BMP2K: variants seen among roughly 807,000 people sequenced by gnomAD.
BMP2K encodes the protein BMP2 inducible kinase.
Under a neutral mutation model 116.0 loss-of-function variants are expected in BMP2K, and 74 were observed. The observed-to-expected ratio is 0.64, with a 90% CI of 0.53 to 0.77. The LOEUF is 0.77. Among genes scored for constraint, BMP2K ranks in the 30% least tolerant of loss-of-function variants. The pLI is 0.00. For synonymous variants in BMP2K, 486 were observed against 502.5 expected, an observed-to-expected ratio of 0.97 and a Z score of 0.44; for missense variants, 1,365 against 1,403.6, an observed-to-expected ratio of 0.97 and a Z score of 0.44.
At chr4:78,880,429 G>A (rs116595214) in intron 14 of BMP2K, among the ~76,000 whole-genome samples, 7,395 of 152,150 alleles carry the variant, frequency 0.049, 572 homozygotes, top group African/African-American at 0.17. Flanking sequence ...ATAATTTATA[G>A]GATTATATTT....
intron 1 of BMP2K, among the ~76,000 whole-genome samples, chr4:78,791,751 G>A (rs752882283): frequency 5.5e-4 from 84 of 152,010 alleles, no homozygotes; most frequent in Non-Finnish European, 1.0e-3. Flanking sequence ...TGCCTTTAAG[G>A]TATTCATCCT....
intron 1 of BMP2K, among the ~76,000 whole-genome samples, chr4:78,805,679 A>C (rs559561702): frequency 3.3e-5 from 5 of 152,302 alleles, no homozygotes; most frequent in South Asian, 2.1e-4. Context: ...ATAGAAATAC[A>C]GTTCCTTTAG....
At chr4:78,874,117 G>A (rs1215619473) in intron 13 of BMP2K, among the ~76,000 whole-genome samples, 2 of 151,950 alleles carry the variant, frequency 1.3e-5, no homozygotes, top group African/African-American at 4.8e-5. Flanking sequence ...GGCAGAGATT[G>A]CAGCGAGCTG....
intron 1 of BMP2K, among the ~76,000 whole-genome samples, chr4:78,819,123 C>T (rs150801758): frequency 0.011 from 1,703 of 152,118 alleles, 26 homozygotes; most frequent in African/African-American, 0.039. Context: ...AAAAATGTTC[C>T]GCTAAATTTC....
intron 8 of BMP2K, chr4:78,859,942 A>G (rs575446771): frequency 1.5e-4 from 84 of 557,452 alleles, no homozygotes; most frequent in Non-Finnish European, 2.3e-4. Context: ...ACACAGGGAC[A>G]TCTTTCTGAC....
chr4:78,908,406 T>G (rs966531753), intron 15 of BMP2K, among the ~76,000 whole-genome samples: 7 of 152,230 alleles, frequency 4.6e-5, no homozygotes, highest in Non-Finnish European at 1.0e-4. Context: ...CTCAGCTGTT[T>G]TCTTCCTCCT....
At position 78,911,835 on chromosome 4, in the gene BMP2K, T is replaced by C. The variant is rs1255986298; in HGVS notation, c.3288T>C (p.Asn1096=). ...QGLSDIRADH[N]TVLPGRPRQN... ...TGAGCGACATCCGTGCTGATCACAA[T>C]ACTGTCCTGCCAGGGCGGCCAAGAC... Residue 1096 remains asparagine (N), a synonymous_variant, in exon 16 of 16, where the codon AAT becomes AAC. Coordinates refer to ENST00000502613, the MANE Select transcript of BMP2K (RefSeq NM_198892.2). The C allele has an allele frequency of 8.1e-6, 13 of 1,613,848 alleles. No individual in the cohort carries two copies. Among genetic ancestry groups the C allele is most frequent in the Non-Finnish European group, 1.1e-5 (13 of 1,179,890 alleles).
Position 78,871,905 on chromosome 4 carries a change from C to T in BMP2K, c.1565C>T (p.Ser522Leu), listed in dbSNP as rs760107498. The T allele has an allele frequency of 8.1e-6, 13 of 1,612,710 alleles. No homozygotes were observed. The highest frequency in any genetic ancestry group is 5.5e-5 in the South Asian group (5 of 90,902). ...QMLQQQFLMH[S>L]VYQPQPSASQ... The stretch of plus-strand genomic sequence containing the variant: ...CTTCAACAACAATTTTTAATGCATT[C>T]GGTATATCAACCACAACCTTCTGCA... Residue 522 changes from serine (S) to leucine (L), a missense_variant, in exon 12 of 16, where the codon TCG becomes TTG. Physicochemically the swap from Ser to Leu is moderately radical, Grantham distance 145 (BLOSUM62 -2). Around this residue, in one of 3 missense-constraint regions of BMP2K, gnomAD observed 762 missense variants for 756.7 expected, o/e 1.01. Coordinates refer to ENST00000502613, the MANE Select transcript of BMP2K (RefSeq NM_198892.2).
At chr4:78,846,202 C>G (rs1730990584) in intron 5 of BMP2K, among the ~76,000 whole-genome samples, 1 of 151,544 alleles carries the variant, frequency 6.6e-6, no homozygotes, top group South Asian at 2.1e-4. Flanking sequence ...GGGGTTTTGT[C>G]CTTTGTGGCT....
chr4:78,865,743 A>T (rs1471238042), intron 10 of BMP2K, 23 bp downstream of exon 10: 1 of 1,610,498 alleles, frequency 6.2e-7, no homozygotes, highest in African/African-American at 1.3e-5. Context: ...CGCCAACCTC[A>T]TCCTCTTAAA....
At chr4:78,869,802 A>G (rs1380649442) in intron 10 of BMP2K, among the ~76,000 whole-genome samples, 1 of 152,206 alleles carries the variant, frequency 6.6e-6, no homozygotes, top group African/African-American at 2.4e-5. Context: ...TTACATTTTT[A>G]TAAGTATTTT....
intron 1 of BMP2K, among the ~76,000 whole-genome samples, chr4:78,794,313 C>A (rs898683806): frequency 6.6e-6 from 1 of 152,050 alleles, no homozygotes; most frequent in Non-Finnish European, 1.5e-5. Context: ...TTTTAACAGA[C>A]CGTCATTAGG....
chr4:78,868,698 C>T (rs1732181954), intron 10 of BMP2K, among the ~76,000 whole-genome samples: 1 of 152,040 alleles, frequency 6.6e-6, no homozygotes, highest in Non-Finnish European at 1.5e-5. Flanking sequence ...GAGAAATTGG[C>T]CAAAACAAAG....
intron 3 of BMP2K, among the ~76,000 whole-genome samples, chr4:78,839,448 T>G (rs1730647812): frequency 6.6e-6 from 1 of 152,174 alleles, no homozygotes. Flanking sequence ...AGCAGGAAAT[T>G]TATCTGCCTC....
intron 1 of BMP2K, among the ~76,000 whole-genome samples, chr4:78,796,683 C>T (rs1386604662): frequency 6.6e-6 from 1 of 152,092 alleles, no homozygotes; most frequent in Non-Finnish European, 1.5e-5. Flanking sequence ...TAAGAGTTCA[C>T]TAAAATTTAA....
At chr4:78,781,104 A>G (rs1727482388) in intron 1 of BMP2K, among the ~76,000 whole-genome samples, 1 of 152,212 alleles carries the variant, frequency 6.6e-6, no homozygotes, top group Non-Finnish European at 1.5e-5. Flanking sequence ...GAGAGATCCA[A>G]GATGATGTTG....
intron 3 of BMP2K, among the ~76,000 whole-genome samples, chr4:78,837,963 T>A (rs531837511): frequency 3.3e-5 from 5 of 152,296 alleles, no homozygotes; most frequent in African/African-American, 1.2e-4. Context: ...TAAATTTTTT[T>A]CTTTTCCTTG....
chr4:78,825,105 G>C (rs905960991), intron 1 of BMP2K, among the ~76,000 whole-genome samples: 3 of 152,198 alleles, frequency 2.0e-5, no homozygotes, highest in African/African-American at 7.2e-5. Context: ...TTGGGAGGCT[G>C]AGGCAGGAAA....
At chr4:78,822,949 C>T (rs1452481500) in intron 1 of BMP2K, among the ~76,000 whole-genome samples, 1 of 152,088 alleles carries the variant, frequency 6.6e-6, no homozygotes, top group Non-Finnish European at 1.5e-5. Flanking sequence ...AACTAGTTAC[C>T]TCCCTGTAAG....
Sources: gnomAD v4.1 joint callset for allele counts (sites outside exome capture counted in the v4.1 genomes callset) on GRCh38, gnomAD v4.1.1 for gene constraint, gnomAD v4.1.1 regional missense constraint, MANE v1.5 for transcripts, NCBI Gene and HGNC (gene_info 2026-07-23, HGNC 2026-07-21) for gene names.